The following BTBD8 variants were observed in gnomAD, a reference collection of about 807,000 sequenced individuals.
BTBD8 encodes the protein BTB domain containing 8.
In BTBD8, 110 loss-of-function variants were observed where a neutral mutation model predicts 162.9. That is an observed-to-expected ratio of 0.68 (90% CI 0.58 to 0.79). The LOEUF (loss-of-function observed/expected upper bound fraction) is 0.79, where lower values mean the gene tolerates loss of function less well. Ranked by LOEUF, BTBD8 falls within the 30% of genes least tolerant of loss-of-function variation. The pLI is 0.00. For missense variants in BTBD8, 1,905 were observed against 2,085.4 expected, an observed-to-expected ratio of 0.91 and a Z score of 1.68; for synonymous variants, 667 against 716.1, an observed-to-expected ratio of 0.93 and a Z score of 1.10.
intron 12 of BTBD8, 53 bp downstream of exon 12, chr1:92,169,048 A>ACAAT: frequency 7.0e-7 from 1 of 1,433,180 alleles, no homozygotes; most frequent in South Asian, 1.5e-5. Flanking sequence ...TTGTGACAGC[A>ACAAT]GATATTTTGA....
rs386367658 is a variant in BTBD8 at position 92,118,803 on chromosome 1, C to CTTTTTTTTTTT, written c.662+10809_662+10819dup. ...CTTATAATTTGGCTTTTCTTTCTTT[C>CTTTTTTTTTTT]TTTTTTTTTTTTTTTTTGCTCTATT... On this transcript the variant is annotated intron_variant, in intron 4 of 17. Coordinates refer to ENST00000636805, the MANE Select transcript of BTBD8 (RefSeq NM_001376131.1). Among the ~76,000 whole-genome samples the CTTTTTTTTTTT allele has an allele frequency of 2.2e-4, 21 of 95,266 alleles. 1 individual carries two copies. Among genetic ancestry groups the CTTTTTTTTTTT allele is most frequent in the East Asian group, 1.5e-3 (4 of 2,622 alleles). 62.5% of individuals were successfully genotyped at this position (95,266 alleles called of 152,430 possible).
At chr1:92,104,531 T>C (rs1042477569) in intron 3 of BTBD8, among the ~76,000 whole-genome samples, 5 of 152,200 alleles carry the variant, frequency 3.3e-5, no homozygotes, top group Admixed American at 6.5e-5. Context: ...CCAGTTTTCT[T>C]ACTCTAGTCT....
At chr1:92,121,210 ATCT>A (rs894353600) in intron 4 of BTBD8, among the ~76,000 whole-genome samples, 1 of 152,240 alleles carries the variant, frequency 6.6e-6, no homozygotes, top group Non-Finnish European at 1.5e-5. Flanking sequence ...TGAAAAAATA[ATCT>A]TACATTCCTG....
At chr1:92,122,785 G>A (rs140205062) in intron 4 of BTBD8, among the ~76,000 whole-genome samples, 8 of 151,978 alleles carry the variant, frequency 5.3e-5, no homozygotes, top group African/African-American at 1.9e-4. Context: ...GGCTGGTCTT[G>A]AACTCTTGAC....
chr1:92,156,378 T>C (rs1256225381), intron 9 of BTBD8, among the ~76,000 whole-genome samples: 27 of 152,136 alleles, frequency 1.8e-4, no homozygotes, highest in Admixed American at 1.8e-3. Flanking sequence ...GGCCTATAAT[T>C]TTTCTTTTCT....
intron 10 of BTBD8, 119 bp from the exon 11 acceptor site, chr1:92,167,729 A>G (rs1002638460): frequency 6.5e-6 from 5 of 768,472 alleles, no homozygotes; most frequent in Non-Finnish European, 9.8e-6. Flanking sequence ...CAAAGGGAAA[A>G]AATACGATTT....
intron 4 of BTBD8, chr1:92,125,545 A>G (rs767296552): frequency 1.6e-5 from 5 of 304,398 alleles, no homozygotes; most frequent in Non-Finnish European, 3.3e-5. Context: ...GGAGAATGAA[A>G]TCTCTCCTCC....
intron 9 of BTBD8, among the ~76,000 whole-genome samples, chr1:92,159,421 C>G (rs1650236703): frequency 6.6e-6 from 1 of 152,012 alleles, no homozygotes; most frequent in South Asian, 2.1e-4. Context: ...AAGTGATCTT[C>G]CCACCTTAGC....
intron 16 of BTBD8, among the ~76,000 whole-genome samples, chr1:92,179,333 CTG>C (rs1304395294): frequency 1.3e-5 from 2 of 151,940 alleles, no homozygotes; most frequent in Non-Finnish European, 1.5e-5. Context: ...CTTCCAGAAT[CTG>C]TGTGAGTCCA....
Position 92,121,527 on chromosome 1 carries a change from C to T in BTBD8, c.663-8160C>T, listed in dbSNP as rs370342674. On this transcript the variant is annotated intron_variant, in intron 4 of 17. Transcript: ENST00000636805. The stretch of plus-strand genomic sequence containing the variant: ...GGAAGTTATCTTGGCCTGTTACTTT[C>T]TTTCTTGAGTAAATTTTGTTTTCAT... Among the ~76,000 whole-genome samples the T allele has an allele frequency of 5.3e-5, 8 of 152,176 alleles. No individual in the cohort carries two copies. The East Asian group carries it at 7.7e-4, about 15-fold the overall frequency.
intron 13 of BTBD8, among the ~76,000 whole-genome samples, chr1:92,175,570 G>A (rs895522201): frequency 3.3e-5 from 5 of 151,610 alleles, no homozygotes; most frequent in African/African-American, 1.2e-4. Context: ...CGAGGCGGGT[G>A]GATTGCCTGA....
At chr1:92,155,862 A>G (rs1276369833) in intron 9 of BTBD8, among the ~76,000 whole-genome samples, 1 of 152,150 alleles carries the variant, frequency 6.6e-6, no homozygotes, top group Non-Finnish European at 1.5e-5. Flanking sequence ...ATATAAGATT[A>G]TGTTATCTGC....
chr1:92,160,131 C>G (rs1394476356), intron 9 of BTBD8, among the ~76,000 whole-genome samples: 1 of 151,680 alleles, frequency 6.6e-6, no homozygotes, highest in Non-Finnish European at 1.5e-5. Flanking sequence ...ATTCTTTCTT[C>G]TCTTTGATCT....
rs764141349 is a variant in BTBD8 at position 92,182,303 on chromosome 1, C to T, written c.4620C>T (p.Asp1540=). 20 of 1,551,082 alleles carry T rather than the reference C, an allele frequency of 1.3e-5. No individual in the cohort carries two copies. The highest frequency in any genetic ancestry group is 1.2e-4 in the South Asian group (10 of 83,954). The change falls in exon 17 of 18, where the codon GAC becomes GAT. Residue 1540 remains aspartate, a synonymous_variant. Transcript: ENST00000636805. The part of the protein sequence containing the change: ...VSATEKKNTI[D]VLSSRSRQLL... ...CCACAGAAAAAAAGAACACAATAGA[C>T]GTCCTATCCAGTAGAAGCAGACAGC... is the stretch of plus-strand genomic sequence containing the variant.
chr1:92,170,584 T>A (rs554401675), intron 12 of BTBD8, among the ~76,000 whole-genome samples: 1 of 152,264 alleles, frequency 6.6e-6, no homozygotes, highest in Non-Finnish European at 1.5e-5. Context: ...TGCATGGTAG[T>A]TACAGATAAT....
At chr1:92,119,367 C>G (rs1279771078) in intron 4 of BTBD8, among the ~76,000 whole-genome samples, 1 of 147,708 alleles carries the variant, frequency 6.8e-6, no homozygotes, top group Non-Finnish European at 1.5e-5. Flanking sequence ...GTCACTGCAG[C>G]CTTGACCTCT....
At chr1:92,088,579 AACTTT>A (rs1648216551) in intron 1 of BTBD8, 114 bp from the exon 2 acceptor site, 1 of 754,780 alleles carries the variant, frequency 1.3e-6, no homozygotes, top group Non-Finnish European at 1.9e-6. Context: ...TTTTTGTATT[AACTTT>A]ATGTTGCCTC....
At chr1:92,090,519 A>G (rs1257226798) in intron 2 of BTBD8, among the ~76,000 whole-genome samples, 9 of 152,196 alleles carry the variant, frequency 5.9e-5, no homozygotes, top group African/African-American at 4.8e-5. Context: ...TGTTCTTTAT[A>G]TATTCTGTAA....
intron 5 of BTBD8, among the ~76,000 whole-genome samples, chr1:92,132,942 T>C (rs182005699): frequency 1.8e-4 from 28 of 152,348 alleles, no homozygotes; most frequent in Admixed American, 1.5e-3. Flanking sequence ...TTTATTATTA[T>C]TATCACACAG....
Sources: gnomAD v4.1 joint callset for allele counts (sites outside exome capture counted in the v4.1 genomes callset) on GRCh38, gnomAD v4.1.1 for gene constraint, MANE v1.5 for transcripts, NCBI Gene and HGNC (gene_info 2026-07-23, HGNC 2026-07-21) for gene names.